Variants in TNRC18 observed in about 807,000 individuals in gnomAD.
The protein encoded by TNRC18 is trinucleotide repeat-containing gene 18 protein.
TNRC18 carries 69 observed loss-of-function variants against 226.7 expected under a neutral mutation model. The ratio of observed to expected loss-of-function variants is 0.30; its 90% CI spans 0.25 to 0.37. TNRC18 has a LOEUF of 0.37. Among genes scored for constraint, TNRC18 ranks in the 10% least tolerant of loss-of-function variants. The pLI is 1.00. For missense variants in TNRC18, 4,754 were observed against 4,256.6 expected (o/e 1.12, Z -3.25); for synonymous variants, 2,449 against 1,927.6 (o/e 1.27, Z -7.09).
At position 5,370,628 on chromosome 7, in the gene TNRC18, G is replaced by A. The variant is rs749480429; in HGVS notation, c.3966C>T (p.Phe1322=). 4.3e-6 allele frequency: 7 copies of A among 1,613,202 alleles called. No individual in the cohort carries two copies. Among genetic ancestry groups the A allele is most frequent in the Non-Finnish European group, 5.9e-6 (7 of 1,179,802 alleles). ...ACTGGTCAGAGCTTGCCTCTTCCAG[G>A]AAGCAGGTGCTGCCGAGTACAGGCA... ...EAVPVLGSTC[F]LEEASSDQFL... The change falls in exon 11 of 30, where the codon TTC becomes TTT. Residue 1322 remains phenylalanine, a synonymous_variant. Coordinates refer to ENST00000430969, the MANE Select transcript of TNRC18 (RefSeq NM_001080495.3).
chr7:5,363,786 A>C (rs930703602), intron 11 of TNRC18, among the ~76,000 whole-genome samples: 7 of 152,012 alleles, frequency 4.6e-5, no homozygotes, highest in African/African-American at 1.7e-4. Flanking sequence ...GCATTTTTCC[A>C]TAGTGAATAT....
chr7:5,395,850 A>G (rs4072619), intron 2 of TNRC18, among the ~76,000 whole-genome samples: 121,592 of 152,100 alleles, frequency 0.8, 48,841 homozygotes, highest in East Asian at 1. Flanking sequence ...ACAAAAAATT[A>G]GCTGGATGTG....
At chr7:5,402,489 C>G (rs1288867942) in intron 2 of TNRC18, among the ~76,000 whole-genome samples, 4 of 151,008 alleles carry the variant, frequency 2.6e-5, no homozygotes, top group African/African-American at 7.3e-5. Flanking sequence ...GAGCCGAGAT[C>G]GCGCCACCAC....
At position 5,361,936 on chromosome 7, in the gene TNRC18, T is replaced by C; in HGVS notation, c.4493A>G (p.Gln1498Arg). 1.2e-6 allele frequency: 2 copies of C among 1,606,766 alleles called. No individual in the cohort carries two copies. The highest frequency in any genetic ancestry group is 1.7e-6 in the Non-Finnish European group (2 of 1,177,438). ...GCGCTGCAGCTTCACCAGCTCACGCTGCTTCTCCTTGTACTGGCGCTGCAC... is the reference window on the plus strand; with the variant it reads ...GCGCTGCAGCTTCACCAGCTCACGCCGCTTCTCCTTGTACTGGCGCTGCAC... The part of the protein sequence containing the change: ...AEVQRQYKEK[Q>R]RELVKLQRRR... Residue 1498 changes from glutamine to arginine, a missense_variant, in exon 13 of 30, where the codon CAG becomes CGG. Gln to Arg is a conservative substitution (Grantham distance 43, BLOSUM62 1). Transcript: ENST00000430969.
chr7:5,383,957 A>ATC (rs1554294788), intron 5 of TNRC18, among the ~76,000 whole-genome samples: 30 of 78,794 alleles, frequency 3.8e-4, no homozygotes, highest in African/African-American at 1.6e-3. Context: ...TACCCGGGTG[A>ATC]TTTTTTTTTT....
intron 17 of TNRC18, among the ~76,000 whole-genome samples, chr7:5,349,709 A>C (rs1268772241): frequency 6.6e-6 from 1 of 152,238 alleles, no homozygotes; most frequent in Non-Finnish European, 1.5e-5. Flanking sequence ...CAAATGCAAG[A>C]GACCAAAACA....
intron 24 of TNRC18, among the ~76,000 whole-genome samples, chr7:5,316,274 C>CTTTTTTTTTTTTTTTTT (rs1278896095): frequency 1.2e-5 from 1 of 86,534 alleles, no homozygotes; most frequent in Non-Finnish European, 2.1e-5. Context: ...AGAAATGGGT[C>CTTTTTTTTTTTTTTTTT]TTTTTTTTTT....
rs943536220 is a variant in TNRC18, at chr7:5,377,247, C to G, written c.2461+124G>C. ...TTATCATTCCTTCTTCCGACGAATGCGGGAGGCAGGCCCAGGCCCCCCAGG... is the reference window on the plus strand; with the variant it reads ...TTATCATTCCTTCTTCCGACGAATGGGGGAGGCAGGCCCAGGCCCCCCAGG... On this transcript the variant is annotated intron_variant, in intron 7 of 29. Coordinates refer to ENST00000430969, the MANE Select transcript of TNRC18 (RefSeq NM_001080495.3). The surrounding 1 kb of genome is among the most constrained non-coding windows in gnomAD (Gnocchi z 5.8). The G allele has an allele frequency of 4.3e-5, 50 of 1,159,240 alleles. No individual in the cohort carries two copies. The highest frequency in any genetic ancestry group is 5.6e-5 in the Non-Finnish European group (47 of 837,710). 71.8% of individuals were successfully genotyped at this position (1,159,240 alleles called of 1,614,324 possible).
chr7:5,371,942 G>A (rs1008844805), intron 10 of TNRC18, among the ~76,000 whole-genome samples: 1 of 152,192 alleles, frequency 6.6e-6, no homozygotes, highest in Non-Finnish European at 1.5e-5. Flanking sequence ...TTGTTGCCCA[G>A]GCTGGAACGC....
intron 17 of TNRC18, among the ~76,000 whole-genome samples, chr7:5,349,219 A>G (rs879361080): frequency 2.0e-5 from 3 of 152,084 alleles, no homozygotes; most frequent in Non-Finnish European, 2.9e-5. Flanking sequence ...TGACAAGGCC[A>G]CACCCGCTGC....
At chr7:5,366,644 G>T (rs1433306775) in intron 11 of TNRC18, among the ~76,000 whole-genome samples, 3 of 152,110 alleles carry the variant, frequency 2.0e-5, no homozygotes, top group African/African-American at 7.2e-5. Context: ...TATCTTTAGG[G>T]AAACTGAGGC....
intron 18 of TNRC18, among the ~76,000 whole-genome samples, chr7:5,339,537 G>A (rs1790464831): frequency 7.3e-6 from 1 of 136,096 alleles, no homozygotes; most frequent in South Asian, 2.4e-4. Context: ...ATCGTGCCCA[G>A]CCAATGTGTG....
At chr7:5,374,657 C>G (rs1429122509) in intron 9 of TNRC18, among the ~76,000 whole-genome samples, 173 bp from the exon 10 acceptor site, 1 of 152,222 alleles carries the variant, frequency 6.6e-6, no homozygotes, top group Non-Finnish European at 1.5e-5. Flanking sequence ...CATCCCAGCC[C>G]ATGTGTCATA....
chr7:5,409,901 G>C (rs1032634576), intron 2 of TNRC18, among the ~76,000 whole-genome samples: 1 of 150,162 alleles, frequency 6.7e-6, no homozygotes, highest in African/African-American at 2.5e-5. Flanking sequence ...TGAGGCAGGA[G>C]AATGACATGA....
chr7:5,367,067 A>G (rs1793689588), intron 11 of TNRC18, among the ~76,000 whole-genome samples: 1 of 152,158 alleles, frequency 6.6e-6, no homozygotes, highest in African/African-American at 2.4e-5. Context: ...GTGTCCTAAT[A>G]GGGTGGAGAA....
rs1324491653 is a variant in TNRC18, at chr7:5,361,678, G to C, written c.4577C>G (p.Pro1526Arg). 6.4e-7 allele frequency: 1 copy of C among 1,565,418 alleles called. No homozygotes were observed. The highest frequency in any genetic ancestry group is 1.4e-5 in the African/African-American group (1 of 73,348). Residue 1526 changes from proline (P) to arginine (R), a missense_variant, in exon 14 of 30, where the codon CCT (proline) becomes CGT (arginine). By Grantham distance (103) the Pro-to-Arg change is moderately radical. Coordinates refer to ENST00000430969, the MANE Select transcript of TNRC18 (RefSeq NM_001080495.3). ...EPHRSLARRGPGRPRKRTHAP... is the reference protein window; with the variant it reads ...EPHRSLARRGRGRPRKRTHAP... ...GTGGGTCCGTTTCCGCGGCCTGCCA[G>C]GGCCTCTGCGTGCCAAGCTTCTATG... is the stretch of plus-strand genomic sequence containing the variant.
chr7:5,390,108 A>C, intron 4 of TNRC18: 1 of 391,874 alleles, frequency 2.6e-6, no homozygotes, highest in East Asian at 4.0e-5. Flanking sequence ...TCACATCTGT[A>C]ATCCCAGCAC....
At position 5,337,756 on chromosome 7, in the gene TNRC18, G is replaced by A. The variant is rs150276654; in HGVS notation, c.5720-4707C>T. On this transcript the variant is annotated intron_variant, in intron 18 of 29. Transcript: ENST00000430969. ...TCCCAGCACTTTAGGAGGCTGAGGC[G>A]GGTGGATCATGAGCTCAGGAGTTCA... Among the ~76,000 whole-genome samples the A allele has an allele frequency of 7.7e-3, 1,167 of 152,192 alleles. 13 individuals carry two copies. The highest frequency in any genetic ancestry group is 0.027 in the African/African-American group (1,125 of 41,530).
chr7:5,356,476 A>T (rs1299505725), intron 16 of TNRC18, among the ~76,000 whole-genome samples: 1 of 152,226 alleles, frequency 6.6e-6, no homozygotes, highest in Admixed American at 6.5e-5. Flanking sequence ...AACAGACGGC[A>T]TGCTTCCTGT....
Sources: allele counts gnomAD v4.1 joint callset (sites outside exome capture counted in the v4.1 genomes callset), GRCh38; gene constraint gnomAD v4.1.1; non-coding constraint Gnocchi (gnomAD v3.1); transcripts MANE v1.5; gene names NCBI Gene and HGNC (gene_info 2026-07-23, HGNC 2026-07-21).